FSHR: variants seen among roughly 807,000 people sequenced by gnomAD.
FSHR encodes follicle-stimulating hormone receptor.
In FSHR, 46 loss-of-function variants were observed where a neutral mutation model predicts 52.1. That is an observed-to-expected ratio of 0.88 (90% CI 0.70 to 1.13). The LOEUF (loss-of-function observed/expected upper bound fraction) is 1.13, where lower values mean the gene tolerates loss of function less well. Among genes scored for constraint, FSHR ranks in the 50% most tolerant of loss-of-function variants. FSHR has a pLI of 0.00. For synonymous variants in FSHR, 399 were observed against 309.6 expected (o/e 1.29, Z -3.03); for missense variants, 964 against 834.6 (o/e 1.16, Z -1.91).
intron 4 of FSHR, among the ~76,000 whole-genome samples, chr2:48,999,006 CAT>C (rs2104136678): frequency 6.6e-6 from 1 of 152,072 alleles, no homozygotes; most frequent in South Asian, 2.1e-4. Flanking sequence ...TATTCGGAAA[CAT>C]ATGCTTTGTT....
intron 1 of FSHR, among the ~76,000 whole-genome samples, chr2:49,138,935 G>A (rs1467701008): frequency 6.6e-6 from 1 of 152,160 alleles, no homozygotes; most frequent in Non-Finnish European, 1.5e-5. Context: ...GTTCCCTTGG[G>A]TGTGTGGGGT....
At chr2:48,992,195 A>G (rs1363462479) in intron 4 of FSHR, among the ~76,000 whole-genome samples, 1 of 152,080 alleles carries the variant, frequency 6.6e-6, no homozygotes, top group Non-Finnish European at 1.5e-5. Flanking sequence ...AAAATTATAT[A>G]CAGAAAAATA....
chr2:49,143,404 A>G (rs1466068479), intron 1 of FSHR, among the ~76,000 whole-genome samples: 1 of 152,202 alleles, frequency 6.6e-6, no homozygotes, highest in Non-Finnish European at 1.5e-5. Flanking sequence ...GAGTTGTAAA[A>G]TGTAATATAA....
intron 1 of FSHR, 36 bp from the exon 2 acceptor site, chr2:49,068,326 T>C (rs750939303): frequency 1.3e-6 from 2 of 1,537,554 alleles, no homozygotes; most frequent in Middle Eastern, 1.7e-4. Context: ...TCACAACCTA[T>C]CCATTAATAA....
At position 48,978,627 on chromosome 2, in the gene FSHR, A is replaced by G. The variant is rs374977424; in HGVS notation, c.668+4285T>C. The stretch of plus-strand genomic sequence containing the variant: ...CAATTGTTCGATTGCTTAAAAAAAA[A>G]CAACCTTGAGTGAGTTCAGAATATC... On this transcript the variant is annotated intron_variant, in intron 8 of 9. Coordinates refer to ENST00000406846, the MANE Select transcript of FSHR (RefSeq NM_000145.4). Among the ~76,000 whole-genome samples the G allele has an allele frequency of 5.0e-3, 764 of 152,368 alleles. 9 individuals carry two copies. The highest frequency in any genetic ancestry group is 0.018 in the African/African-American group (728 of 41,582).
chr2:49,071,456 A>G (rs1407302437), intron 1 of FSHR, among the ~76,000 whole-genome samples: 2 of 152,202 alleles, frequency 1.3e-5, no homozygotes, highest in African/African-American at 4.8e-5. Flanking sequence ...GGATAAAATA[A>G]AATTACTTCT....
intron 1 of FSHR, among the ~76,000 whole-genome samples, chr2:49,137,589 G>C (rs1233748665): frequency 2.0e-5 from 3 of 152,006 alleles, no homozygotes; most frequent in Non-Finnish European, 4.4e-5. Flanking sequence ...AAACTTAGTA[G>C]AAAGAAATAG....
intron 1 of FSHR, among the ~76,000 whole-genome samples, chr2:49,103,068 T>G (rs1231628525): frequency 2.0e-5 from 3 of 152,178 alleles, no homozygotes; most frequent in African/African-American, 7.2e-5. Flanking sequence ...TATCTGTTTA[T>G]GTATTGTATG....
chr2:48,984,130 C>G (rs1675380293), intron 6 of FSHR, among the ~76,000 whole-genome samples: 1 of 152,218 alleles, frequency 6.6e-6, no homozygotes, highest in Admixed American at 6.5e-5. Flanking sequence ...CCAGGACTCT[C>G]TTTCCTGGGC....
At chr2:49,112,981 G>T (rs1352015763) in intron 1 of FSHR, among the ~76,000 whole-genome samples, 1 of 152,122 alleles carries the variant, frequency 6.6e-6, no homozygotes, top group Non-Finnish European at 1.5e-5. Context: ...GAATGTGGAA[G>T]GGAAAAGAAA....
intron 2 of FSHR, among the ~76,000 whole-genome samples, chr2:49,053,535 A>T (rs1208916664): frequency 6.6e-6 from 1 of 152,188 alleles, no homozygotes; most frequent in Admixed American, 6.5e-5. Flanking sequence ...AAGCCACTTC[A>T]TGTTGCAGAG....
intron 8 of FSHR, 148 bp downstream of exon 8, chr2:48,982,764 G>A (rs942681214): frequency 2.7e-6 from 2 of 732,480 alleles, no homozygotes; most frequent in Non-Finnish European, 5.0e-6. Context: ...GCCTTAAATT[G>A]TCTCTATAAA....
intron 1 of FSHR, among the ~76,000 whole-genome samples, chr2:49,138,946 A>T (rs916356069): frequency 7.9e-5 from 12 of 152,182 alleles, no homozygotes; most frequent in African/African-American, 2.9e-4. Flanking sequence ...TGTGTGGGGT[A>T]TGAGATAAAG....
intron 1 of FSHR, among the ~76,000 whole-genome samples, chr2:49,087,070 G>GTTGTTTTT (rs1670423331): frequency 1.2e-5 from 1 of 86,728 alleles, no homozygotes; most frequent in East Asian, 4.3e-4. Context: ...TGTGGGCAGG[G>GTTGTTTTT]TTTTTTTTTT....
intron 1 of FSHR, among the ~76,000 whole-genome samples, chr2:49,096,459 G>C (rs1670825397): frequency 6.6e-6 from 1 of 152,214 alleles, no homozygotes; most frequent in South Asian, 2.1e-4. Flanking sequence ...AGGGGGAGAA[G>C]GAAATAGGCA....
At chr2:49,001,909 G>T (rs1666902360) in intron 4 of FSHR, among the ~76,000 whole-genome samples, 1 of 152,038 alleles carries the variant, frequency 6.6e-6, no homozygotes, top group African/African-American at 2.4e-5. Flanking sequence ...TGTAGATTGG[G>T]AAAAATGCAT....
chr2:48,979,714 C>T (rs1035217151), intron 8 of FSHR, among the ~76,000 whole-genome samples: 4 of 152,224 alleles, frequency 2.6e-5, no homozygotes, highest in African/African-American at 9.6e-5. Flanking sequence ...GTTGCAAATG[C>T]ATTACCCTGA....
intron 1 of FSHR, among the ~76,000 whole-genome samples, chr2:49,084,080 A>G (rs964225592): frequency 1.3e-5 from 2 of 152,032 alleles, no homozygotes; most frequent in African/African-American, 4.8e-5. Flanking sequence ...TCCAAAATTG[A>G]CCACATACTT....
chr2:49,076,759 T>C (rs931977672), intron 1 of FSHR, among the ~76,000 whole-genome samples: 7 of 152,154 alleles, frequency 4.6e-5, no homozygotes, highest in African/African-American at 1.4e-4. Context: ...ATTGGGTAAA[T>C]ACAGCCATTC....
Sources: gnomAD v4.1 joint callset for allele counts (sites outside exome capture counted in the v4.1 genomes callset) on GRCh38, gnomAD v4.1.1 for gene constraint, MANE v1.5 for transcripts, NCBI Gene and HGNC (gene_info 2026-07-23, HGNC 2026-07-21) for gene names.